DOCK1: variants seen among roughly 807,000 people sequenced by gnomAD.
DOCK1 encodes the protein dedicator of cytokinesis 1, also known as dedicator of cytokinesis protein 1.
DOCK1 carries 138 observed loss-of-function variants against 262.7 expected under a neutral mutation model. That is an observed-to-expected ratio of 0.53 (90% CI 0.46 to 0.61). The LOEUF (loss-of-function observed/expected upper bound fraction) is 0.61. Among genes scored for constraint, DOCK1 ranks in the 20% least tolerant of loss-of-function variants. The probability of loss-of-function intolerance (pLI) is 0.00; values close to 1 mark genes in which losing one functional copy is unlikely to be tolerated. For missense variants in DOCK1, 1,908 were observed against 2,370.7 expected (o/e 0.80, Z 4.05); for synonymous variants, 866 against 867.4 (o/e 1.00, Z 0.03).
intron 38 of DOCK1, among the ~76,000 whole-genome samples, chr10:127,390,987 A>G (rs1006060182): frequency 1.3e-5 from 2 of 152,190 alleles, no homozygotes; most frequent in Non-Finnish European, 2.9e-5. Context: ...TCAGACCAGC[A>G]CTGCCGCCCA....
intron 23 of DOCK1, among the ~76,000 whole-genome samples, chr10:127,070,348 G>A (rs2046153229): frequency 7.4e-6 from 1 of 136,008 alleles, no homozygotes; most frequent in Non-Finnish European, 1.5e-5. Flanking sequence ...CCACCTCCCG[G>A]GTTCAAACGA....
At chr10:127,293,705 G>A (rs2061417470) in intron 29 of DOCK1, among the ~76,000 whole-genome samples, 2 of 152,320 alleles carry the variant, frequency 1.3e-5, no homozygotes, top group African/African-American at 4.8e-5. Flanking sequence ...CCCCTCTGAA[G>A]CCAGGCAGCA....
At chr10:127,343,772 T>G (rs765025960) in intron 31 of DOCK1, 26 bp downstream of exon 31, 1 of 1,551,804 alleles carries the variant, frequency 6.4e-7, no homozygotes, top group Non-Finnish European at 8.8e-7. Flanking sequence ...GCTCTGAAAC[T>G]GCAGGCAGGA....
intron 1 of DOCK1, among the ~76,000 whole-genome samples, chr10:126,955,298 G>A (rs1238531910): frequency 3.3e-5 from 5 of 152,104 alleles, no homozygotes; most frequent in African/African-American, 1.2e-4. Flanking sequence ...GCTAAATTTT[G>A]TCCTTTTTGT....
rs1173797315 is a variant in DOCK1, at chr10:127,100,222, G to A, written c.2446-6009G>A. On this transcript the variant is annotated intron_variant, in intron 23 of 51. Coordinates refer to ENST00000623213, the MANE Select transcript of DOCK1 (RefSeq NM_001290223.2). This position sits in a 1 kb window ranked among gnomAD's most constrained non-coding sequence, Gnocchi z 5.5. ...GGTCAGCGTGGAGGCAGGGAGGGCG[G>A]GTAGGAGGCTGTGGCAGCAAAGCCA... Among the ~76,000 whole-genome samples, 1 of 152,178 alleles carries A rather than the reference G, an allele frequency of 6.6e-6. No homozygotes were observed. Among genetic ancestry groups the A allele is most frequent in the African/African-American group, 2.4e-5 (1 of 41,460 alleles).
At chr10:126,933,337 T>A (rs1315580551) in intron 1 of DOCK1, among the ~76,000 whole-genome samples, 2 of 152,184 alleles carry the variant, frequency 1.3e-5, no homozygotes, top group Non-Finnish European at 2.9e-5. Flanking sequence ...AGTGCCAAGA[T>A]GAGAAATGAT....
At chr10:127,049,968 CTTTTTTTT>C (rs71941085) in intron 21 of DOCK1, among the ~76,000 whole-genome samples, 2 of 100,074 alleles carry the variant, frequency 2.0e-5, no homozygotes, top group Non-Finnish European at 3.7e-5. Flanking sequence ...AAACTGGCCT[CTTTTTTTT>C]TTTTTTTTTT....
intron 27 of DOCK1, among the ~76,000 whole-genome samples, chr10:127,224,102 A>G (rs1590015524): frequency 6.6e-6 from 1 of 152,236 alleles, no homozygotes; most frequent in East Asian, 1.9e-4. Flanking sequence ...TTGAGCTTAT[A>G]TAGACATGCT....
chr10:127,090,811 T>G (rs1404717996), intron 23 of DOCK1, among the ~76,000 whole-genome samples: 1 of 152,182 alleles, frequency 6.6e-6, no homozygotes, highest in African/African-American at 2.4e-5. Context: ...TTCATCCATG[T>G]GTTGGCACCC....
At chr10:127,442,584 G>A (rs1274246362) in intron 49 of DOCK1, among the ~76,000 whole-genome samples, 2 of 152,156 alleles carry the variant, frequency 1.3e-5, no homozygotes, top group South Asian at 2.1e-4. Context: ...AAAGTCAAGT[G>A]CCTCCAAAAG....
intron 27 of DOCK1, among the ~76,000 whole-genome samples, chr10:127,220,733 G>A (rs907703488): frequency 1.1e-4 from 17 of 152,040 alleles, no homozygotes; most frequent in Admixed American, 5.9e-4. Flanking sequence ...GATGGGGGCC[G>A]TAGAATTCCA....
chr10:126,981,136 T>A (rs183483327), intron 3 of DOCK1, among the ~76,000 whole-genome samples: 301 of 152,000 alleles, frequency 2.0e-3, no homozygotes, highest in Middle Eastern at 0.01. Flanking sequence ...TTAGTAGAGA[T>A]GGGGTTTCAC....
chr10:127,191,166 G>A (rs2056728870), intron 27 of DOCK1, among the ~76,000 whole-genome samples: 1 of 152,052 alleles, frequency 6.6e-6, no homozygotes, highest in Non-Finnish European at 1.5e-5. Flanking sequence ...GCAATCTCAA[G>A]CATCACCCAC....
intron 19 of DOCK1, among the ~76,000 whole-genome samples, chr10:127,038,048 A>G (rs1453314170): frequency 1.3e-5 from 2 of 152,022 alleles, no homozygotes; most frequent in East Asian, 3.9e-4. Context: ...ACCCTGACCA[A>G]CATGGAGAAA....
intron 29 of DOCK1, among the ~76,000 whole-genome samples, chr10:127,325,599 C>G (rs1344555283): frequency 1.3e-5 from 2 of 152,166 alleles, no homozygotes; most frequent in Admixed American, 6.5e-5. Flanking sequence ...TTCTGAACAC[C>G]AACCAAAGCT....
intron 27 of DOCK1, chr10:127,138,152 C>T (rs979164070): frequency 3.7e-5 from 28 of 763,194 alleles, no homozygotes; most frequent in East Asian, 1.3e-4. Context: ...AATAGCAATT[C>T]GATATACTAT....
At chr10:127,237,689 C>A (rs961596862) in intron 27 of DOCK1, among the ~76,000 whole-genome samples, 1 of 152,162 alleles carries the variant, frequency 6.6e-6, no homozygotes, top group Non-Finnish European at 1.5e-5. Context: ...AGTTAAAATA[C>A]CTAAATCATT....
intron 1 of DOCK1, among the ~76,000 whole-genome samples, chr10:126,930,457 C>T (rs1025363953): frequency 1.1e-4 from 16 of 152,222 alleles, no homozygotes; most frequent in African/African-American, 3.4e-4. Context: ...CCTGAGCCTT[C>T]CCCGTGACCA....
At chr10:127,356,412 A>G (rs2064146689) in intron 32 of DOCK1, among the ~76,000 whole-genome samples, 3 of 152,336 alleles carry the variant, frequency 2.0e-5, no homozygotes, top group Non-Finnish European at 2.9e-5. Flanking sequence ...CAATAATTCT[A>G]TGACATATAT....
Sources: allele counts gnomAD v4.1 joint callset (sites outside exome capture counted in the v4.1 genomes callset), GRCh38; gene constraint gnomAD v4.1.1; non-coding constraint Gnocchi (gnomAD v3.1); transcripts MANE v1.5; gene names NCBI Gene and HGNC (gene_info 2026-07-23, HGNC 2026-07-21).